Variants in ADCY9 observed in about 807,000 individuals in gnomAD.
ADCY9 encodes the protein adenylate cyclase type 9.
Under a neutral mutation model 101.5 loss-of-function variants are expected in ADCY9, and 50 were observed. The observed-to-expected ratio is 0.49, with a 90% CI of 0.39 to 0.62. The LOEUF is 0.62. Among genes scored for constraint, ADCY9 ranks in the 20% least tolerant of loss-of-function variants. The pLI, the probability that ADCY9 is intolerant of heterozygous loss-of-function variation, is 0.00. For missense variants in ADCY9, 1,662 were observed against 1,800.4 expected, an observed-to-expected ratio of 0.92 and a Z score of 1.39; for synonymous variants, 905 against 769.3, an observed-to-expected ratio of 1.18 and a Z score of -2.92.
intron 2 of ADCY9, among the ~76,000 whole-genome samples, chr16:4,083,428 C>A (rs979120824): frequency 3.3e-5 from 5 of 152,068 alleles, no homozygotes; most frequent in African/African-American, 1.2e-4. Context: ...AATGGCATAG[C>A]CACTTTAAAA....
chr16:3,989,766 C>G (rs2056229170), intron 5 of ADCY9, among the ~76,000 whole-genome samples: 1 of 152,210 alleles, frequency 6.6e-6, no homozygotes, highest in Non-Finnish European at 1.5e-5. Flanking sequence ...GAAGAACACG[C>G]AGATCACTGT....
chr16:4,110,762 G>A (rs895898250), intron 2 of ADCY9, among the ~76,000 whole-genome samples: 1 of 152,180 alleles, frequency 6.6e-6, no homozygotes, highest in African/African-American at 2.4e-5. Flanking sequence ...GAAAAGGGTG[G>A]TGGCTTTTGG....
At chr16:3,998,739 AAGAAAGAAAG>A (rs2056307514) in intron 3 of ADCY9, among the ~76,000 whole-genome samples, 1 of 130,902 alleles carries the variant, frequency 7.6e-6, no homozygotes, top group African/African-American at 2.9e-5. Context: ...AAAAAAAGAA[AAGAAAGAAAG>A]AAAGAAAAGA....
intron 2 of ADCY9, among the ~76,000 whole-genome samples, chr16:4,076,464 C>A (rs2056867806): frequency 6.6e-6 from 1 of 152,182 alleles, no homozygotes; most frequent in Non-Finnish European, 1.5e-5. Context: ...GCTTACATAA[C>A]CTAACTCGTC....
In ADCY9 at chr16:3,963,450, C is replaced by T. The variant is rs991722965; in HGVS notation, c.*2325G>A. ...GGGACGGGGAGGACCCGAGGGGCTT[C>T]GTGGCCCAGAGAGAACGTCTGCACT... On this transcript the variant is annotated 3_prime_UTR_variant, in exon 11 of 11. Coordinates refer to ENST00000294016, the MANE Select transcript of ADCY9 (RefSeq NM_001116.4). 2.4e-4 allele frequency: 95 copies of T among 397,348 alleles called. No individual in the cohort carries two copies. Among genetic ancestry groups the T allele is most frequent in the Admixed American group, 3.1e-4 (7 of 22,638 alleles). The allele number at this position is 397,348 out of a possible 1,614,324, so 24.6% of individuals were successfully genotyped here. A position where few individuals can be genotyped will look rare whatever the true frequency, so the allele number is the denominator to read the frequency against.
chr16:4,046,232 G>A (rs1036564571), intron 2 of ADCY9, among the ~76,000 whole-genome samples: 1 of 152,092 alleles, frequency 6.6e-6, no homozygotes, highest in African/African-American at 2.4e-5. Context: ...TCAGCACAGT[G>A]CCCAGCACTG....
intron 2 of ADCY9, among the ~76,000 whole-genome samples, chr16:4,069,300 T>C (rs367758372): frequency 6.9e-6 from 1 of 145,218 alleles, no homozygotes; most frequent in African/African-American, 2.5e-5. Flanking sequence ...ATTATTATTA[T>C]TAGGGGGATT....
intron 2 of ADCY9, among the ~76,000 whole-genome samples, chr16:4,025,372 C>T (rs2056507386): frequency 1.7e-5 from 1 of 59,122 alleles, no homozygotes; most frequent in Non-Finnish European, 4.5e-5. Context: ...AAGACTCTGT[C>T]TCCAAAAAAA....
chr16:4,063,081 A>G (rs1028134957), intron 2 of ADCY9, among the ~76,000 whole-genome samples: 8 of 152,228 alleles, frequency 5.3e-5, no homozygotes, highest in African/African-American at 1.9e-4. Flanking sequence ...ATTGTCTAGA[A>G]TGAATCATGG....
intron 3 of ADCY9, among the ~76,000 whole-genome samples, chr16:4,000,249 G>A (rs961818318): frequency 1.3e-5 from 2 of 152,194 alleles, no homozygotes; most frequent in East Asian, 3.8e-4. Context: ...ACTATGATCG[G>A]TTCCATTTTA....
chr16:4,107,519 C>G (rs2057084740), intron 2 of ADCY9, among the ~76,000 whole-genome samples: 1 of 139,172 alleles, frequency 7.2e-6, no homozygotes, highest in Non-Finnish European at 1.5e-5. Context: ...CCATGGCATT[C>G]CAGCCTGGGT....
At chr16:3,971,369 G>A (rs982218235) in intron 10 of ADCY9, among the ~76,000 whole-genome samples, 4 of 152,180 alleles carry the variant, frequency 2.6e-5, no homozygotes, top group African/African-American at 9.7e-5. Context: ...AGCGGTGAGA[G>A]AGCAGATTGC....
At chr16:4,050,227 G>C (rs1054561540) in intron 2 of ADCY9, among the ~76,000 whole-genome samples, 2 of 152,024 alleles carry the variant, frequency 1.3e-5, no homozygotes, top group African/African-American at 4.8e-5. Flanking sequence ...AGAAAAGAGG[G>C]GCACAGCCAA....
intron 2 of ADCY9, among the ~76,000 whole-genome samples, chr16:4,058,593 C>T (rs1323566751): frequency 1.3e-5 from 2 of 152,144 alleles, no homozygotes; most frequent in African/African-American, 4.8e-5. Context: ...GTAATCATGC[C>T]TACAATGACG....
rs267604544 is a variant in ADCY9, at chr16:4,114,089, G to T, written c.1354C>A (p.Pro452Thr). ...GDCYYCVAGC[P>T]EPRADHAYCC... The stretch of plus-strand genomic sequence containing the variant: ...TAGGCATGGTCGGCCCGGGGCTCGG[G>T]ACAGCCCGCCACGCAGTAGTAACAG... Residue 452 changes from proline (P) to threonine (T), a missense_variant, in exon 2 of 11, where the codon CCC becomes ACC. Physicochemically the swap from Pro to Thr is conservative, Grantham distance 38. This residue lies in a region of ADCY9 where 228 missense variants were observed against 301.1 expected (regional missense o/e 0.76). Transcript: ENST00000294016. The surrounding 1 kb of genome is among the most constrained non-coding windows in gnomAD (Gnocchi z 4.3). 6.2e-7 allele frequency: 1 copy of T among 1,613,828 alleles called. No individual in the cohort carries two copies. Among genetic ancestry groups the T allele is most frequent in the African/African-American group, 1.3e-5 (1 of 75,042 alleles).
chr16:3,954,773 C>T (rs1172101383), intron 5 of ADCY9, among the ~76,000 whole-genome samples: 2 of 152,110 alleles, frequency 1.3e-5, no homozygotes, highest in Admixed American at 6.6e-5. Context: ...CCATCCACAG[C>T]GATGATTACT....
intron 2 of ADCY9, among the ~76,000 whole-genome samples, chr16:4,056,434 A>AGTAGAGATGGT (rs2056738606): frequency 6.6e-6 from 1 of 152,126 alleles, no homozygotes. Context: ...TTGTATTTTT[A>AGTAGAGATGGT]GTAGAGATGG....
intron 2 of ADCY9, among the ~76,000 whole-genome samples, chr16:4,095,861 C>T (rs975015222): frequency 6.6e-6 from 1 of 151,160 alleles, no homozygotes; most frequent in African/African-American, 2.4e-5. Flanking sequence ...ACTATAGTCC[C>T]AGCTACTCGA....
intron 6 of ADCY9, among the ~76,000 whole-genome samples, chr16:3,987,908 A>G (rs1410324816): frequency 6.6e-6 from 1 of 152,174 alleles, no homozygotes; most frequent in Non-Finnish European, 1.5e-5. Context: ...GATTCAAACC[A>G]GGCTCTAGGT....
Sources: allele counts gnomAD v4.1 joint callset (sites outside exome capture counted in the v4.1 genomes callset), GRCh38; gene constraint gnomAD v4.1.1; regional missense constraint gnomAD v4.1.1; non-coding constraint Gnocchi (gnomAD v3.1); transcripts MANE v1.5; gene names NCBI Gene and HGNC (gene_info 2026-07-23, HGNC 2026-07-21).